Variants in DHRS7B observed in about 807,000 individuals in gnomAD.
DHRS7B encodes dehydrogenase/reductase 7B.
DHRS7B carries 24 observed loss-of-function variants against 26.4 expected under a neutral mutation model. That is an observed-to-expected ratio of 0.91 (90% CI 0.66 to 1.28). DHRS7B has a LOEUF of 1.28. Ranked by LOEUF, DHRS7B falls within the 50% of genes most tolerant of loss-of-function variation. The probability of loss-of-function intolerance (pLI) is 0.00; values close to 1 mark genes in which losing one functional copy is unlikely to be tolerated. For synonymous variants in DHRS7B, 142 were observed against 166.4 expected, an observed-to-expected ratio of 0.85 and a Z score of 1.13; for missense variants, 368 against 419.4, an observed-to-expected ratio of 0.88 and a Z score of 1.07.
intron 2 of DHRS7B, among the ~76,000 whole-genome samples, chr17:21,176,753 G>A (rs8069853): frequency 0.99 from 150,765 of 151,936 alleles, 74,851 homozygotes; most frequent in Middle Eastern, 1. Context: ...AAGGTAGGTA[G>A]TCTCTTACTA....
Position 21,190,927 on chromosome 17 carries a change from CTTTTG to C in DHRS7B, c.773-16_773-12del, listed in dbSNP as rs762697692. 142 of 1,612,538 alleles carry C rather than the reference CTTTTG, an allele frequency of 8.8e-5. No homozygotes were observed. In the Admixed American group the frequency reaches 2.3e-3, roughly 26 times the overall value. ...CCTCTGCTTCCAAGTTCATGTGTTT[CTTTTG>C]TTTTATTTATTTTAGTTATGGACAC... On this transcript the variant is annotated splice_polypyrimidine_tract_variant and intron_variant, in intron 6 of 6. Transcript: ENST00000395511.
intron 1 of DHRS7B, among the ~76,000 whole-genome samples, chr17:21,136,637 C>T (rs1457682770): frequency 3.9e-5 from 6 of 151,982 alleles, no homozygotes; most frequent in East Asian, 3.9e-4. Flanking sequence ...CTGCAACCTC[C>T]GCCTCCCAGG....
chr17:21,144,865 A>C (rs1287611536), intron 1 of DHRS7B, among the ~76,000 whole-genome samples: 1 of 152,060 alleles, frequency 6.6e-6, no homozygotes, highest in Non-Finnish European at 1.5e-5. Context: ...TAGGTATTGT[A>C]ACTTGGAGTG....
chr17:21,169,031 G>A, intron 1 of DHRS7B: 1 of 501,454 alleles, frequency 2.0e-6, no homozygotes, highest in East Asian at 1.5e-4. Context: ...TTTTCATCCT[G>A]CTCCTCCCTG....
At chr17:21,166,880 G>T (rs924356017) in intron 1 of DHRS7B, among the ~76,000 whole-genome samples, 5 of 152,032 alleles carry the variant, frequency 3.3e-5, no homozygotes, top group African/African-American at 4.8e-5. Context: ...ACCTGAAATT[G>T]TTCTTTTTAA....
chr17:21,152,828 AG>A (rs765678092), intron 1 of DHRS7B, among the ~76,000 whole-genome samples: 1 of 152,170 alleles, frequency 6.6e-6, no homozygotes, highest in African/African-American at 2.4e-5. Context: ...TCCCACCTGA[AG>A]GGGGAACACT....
chr17:21,138,301 C>T (rs984500734), intron 1 of DHRS7B, among the ~76,000 whole-genome samples: 5 of 138,428 alleles, frequency 3.6e-5, no homozygotes, highest in Admixed American at 2.4e-4. Context: ...ACTGCAAGCT[C>T]CAAGCTCCGC....
chr17:21,146,587 A>G (rs1973648929), intron 1 of DHRS7B, among the ~76,000 whole-genome samples: 2 of 152,218 alleles, frequency 1.3e-5, no homozygotes, highest in African/African-American at 2.4e-5. Flanking sequence ...CCTGGTTCCA[A>G]CAATAGTTTG....
intron 1 of DHRS7B, among the ~76,000 whole-genome samples, chr17:21,152,771 A>C (rs1973799865): frequency 6.6e-6 from 1 of 152,202 alleles, no homozygotes. Flanking sequence ...CTATTCTTTC[A>C]TGTGGGGAAA....
chr17:21,143,690 A>G (rs1428770700), intron 1 of DHRS7B, among the ~76,000 whole-genome samples: 1 of 152,130 alleles, frequency 6.6e-6, no homozygotes, highest in East Asian at 1.9e-4. Context: ...TATGATAGTA[A>G]AATAGTGGTT....
chr17:21,189,180 C>T (rs555946394), intron 6 of DHRS7B, among the ~76,000 whole-genome samples: 6 of 152,160 alleles, frequency 3.9e-5, no homozygotes, highest in Admixed American at 1.3e-4. Flanking sequence ...TCGCAGATCC[C>T]GAGTCCAAGG....
intron 1 of DHRS7B, among the ~76,000 whole-genome samples, chr17:21,163,951 A>G (rs1225135621): frequency 1.3e-5 from 2 of 151,238 alleles, no homozygotes; most frequent in Non-Finnish European, 1.5e-5. Context: ...GGCCTCCTAA[A>G]GGGCTGAAAT....
At chr17:21,184,300 C>A in intron 4 of DHRS7B, 71 bp from the exon 5 acceptor site, 1 of 1,341,482 alleles carries the variant, frequency 7.5e-7, no homozygotes, top group Admixed American at 2.0e-5. Flanking sequence ...AAAGCAAGGT[C>A]GCCTTCCATC....
intron 1 of DHRS7B, among the ~76,000 whole-genome samples, chr17:21,170,971 A>C (rs1306047373): frequency 2.0e-5 from 3 of 151,988 alleles, no homozygotes; most frequent in Admixed American, 1.3e-4. Flanking sequence ...GTTTGCCAGA[A>C]CTCTCTTCTT....
In DHRS7B at chr17:21,141,640, A is replaced by AAAAAAAAAAG; in HGVS notation, c.20+14649_20+14650insAAAAAAAAAG. On this transcript the variant is annotated intron_variant, in intron 1 of 6. Transcript: ENST00000395511. Reference sequence around the variant, plus strand: ...AAAGCAAAAAAAAAAAAAAAAAAAAACAACCTCATCTCAAACTCCACAAAG... The same window carrying AAAAAAAAAAG: ...AAAGCAAAAAAAAAAAAAAAAAAAAAAAAAAAAAAGCAACCTCATCTCAAACTCCACAAAG... Among the ~76,000 whole-genome samples, 121 of 90,078 alleles carry AAAAAAAAAAG rather than the reference A, an allele frequency of 1.3e-3. 17 individuals are homozygous for AAAAAAAAAAG. The highest frequency in any genetic ancestry group is 1.6e-3 in the Non-Finnish European group (78 of 48,488). The allele number at this position is 90,078 out of a possible 152,430, so 59.1% of individuals were successfully genotyped here. A position where few individuals can be genotyped will look rare whatever the true frequency, so the allele number is the denominator to read the frequency against.
At chr17:21,168,979 C>T in intron 1 of DHRS7B, 4 of 906,102 alleles carry the variant, frequency 4.4e-6, no homozygotes, top group South Asian at 5.1e-5. Context: ...TTGTTGGGAA[C>T]TTTAATCATC....
At chr17:21,160,406 A>G (rs2144053927) in intron 1 of DHRS7B, among the ~76,000 whole-genome samples, 1 of 152,306 alleles carries the variant, frequency 6.6e-6, no homozygotes. Flanking sequence ...AACAAAAAAA[A>G]ATGGACAAAA....
intron 1 of DHRS7B, among the ~76,000 whole-genome samples, chr17:21,163,958 A>G (rs1287728008): frequency 6.6e-6 from 1 of 151,528 alleles, no homozygotes; most frequent in Non-Finnish European, 1.5e-5. Context: ...TAAAGGGCTG[A>G]AATTACAGGC....
intron 2 of DHRS7B, among the ~76,000 whole-genome samples, chr17:21,175,101 CG>C (rs1974345014): frequency 1.3e-5 from 2 of 152,274 alleles, no homozygotes; most frequent in South Asian, 4.1e-4. Flanking sequence ...CGAAGACTGT[CG>C]GGTGTATGGA....
Sources: gnomAD v4.1 joint callset for allele counts (sites outside exome capture counted in the v4.1 genomes callset) on GRCh38, gnomAD v4.1.1 for gene constraint, MANE v1.5 for transcripts, NCBI Gene and HGNC (gene_info 2026-07-23, HGNC 2026-07-21) for gene names.